PCDH15: variants seen among roughly 807,000 people sequenced by gnomAD.
The protein encoded by PCDH15 is protocadherin related 15.
In PCDH15, 129 loss-of-function variants were observed where a neutral mutation model predicts 178.5. That is an observed-to-expected ratio of 0.72 (90% CI 0.63 to 0.84). The LOEUF is 0.84. Among genes scored for constraint, PCDH15 ranks in the 40% least tolerant of loss-of-function variants. The probability of loss-of-function intolerance (pLI) is 0.00; values close to 1 mark genes in which losing one functional copy is unlikely to be tolerated. For missense variants in PCDH15, 2,230 were observed against 2,099.9 expected, an observed-to-expected ratio of 1.06 and a Z score of -1.21; for synonymous variants, 800 against 732.0, an observed-to-expected ratio of 1.09 and a Z score of -1.50.
At chr10:55,403,080 G>A (rs1279606939) in intron 2 of PCDH15, among the ~76,000 whole-genome samples, 1 of 151,980 alleles carries the variant, frequency 6.6e-6, no homozygotes, top group Non-Finnish European at 1.5e-5. Flanking sequence ...TAGTGATGTT[G>A]ACTGTTAACG....
chr10:54,247,690 C>T (rs1381335984), intron 8 of PCDH15, among the ~76,000 whole-genome samples: 6 of 151,644 alleles, frequency 4.0e-5, no homozygotes, highest in East Asian at 3.9e-4. Flanking sequence ...ATAGAATGAA[C>T]GGTGAACTCC....
At chr10:55,393,077 T>C (rs1310689633) in intron 2 of PCDH15, among the ~76,000 whole-genome samples, 1 of 151,850 alleles carries the variant, frequency 6.6e-6, no homozygotes, top group Admixed American at 6.6e-5. Flanking sequence ...GCTTATGAGT[T>C]CAGAGATCAT....
intron 2 of PCDH15, among the ~76,000 whole-genome samples, chr10:55,327,475 T>C (rs577520083): frequency 3.9e-5 from 6 of 152,194 alleles, no homozygotes; most frequent in African/African-American, 1.4e-4. Flanking sequence ...AGAAGAATCA[T>C]ACTAAAGGCA....
intron 11 of PCDH15, chr10:54,189,222 AT>A: frequency 1.9e-6 from 1 of 520,808 alleles, no homozygotes. Flanking sequence ...GTATATTTAA[AT>A]TTATATAAAG....
intron 2 of PCDH15, among the ~76,000 whole-genome samples, chr10:55,543,626 T>C (rs1442418436): frequency 6.6e-6 from 1 of 150,926 alleles, no homozygotes; most frequent in Admixed American, 6.6e-5. Flanking sequence ...AGAATCTAAA[T>C]CCACGTATAT....
chr10:55,286,311 A>G (rs773492417), intron 1 of PCDH15, among the ~76,000 whole-genome samples: 1 of 151,890 alleles, frequency 6.6e-6, no homozygotes, highest in African/African-American at 2.4e-5. Context: ...AATTCATATA[A>G]ATTTTACTGT....
At chr10:55,611,334 TA>T (rs940570921) in intron 2 of PCDH15, among the ~76,000 whole-genome samples, 1 of 151,896 alleles carries the variant, frequency 6.6e-6, no homozygotes, top group Non-Finnish European at 1.5e-5. Flanking sequence ...ATAACCCTGT[TA>T]AAAAAATGGG....
At chr10:55,398,016 T>A (rs1419386551) in intron 2 of PCDH15, among the ~76,000 whole-genome samples, 1 of 152,152 alleles carries the variant, frequency 6.6e-6, no homozygotes, top group African/African-American at 2.4e-5. Flanking sequence ...ATGCTCCCAT[T>A]TGTAAAACCA....
chr10:54,633,073 A>G (rs2093746280), intron 2 of PCDH15, among the ~76,000 whole-genome samples: 1 of 152,140 alleles, frequency 6.6e-6, no homozygotes, highest in South Asian at 2.1e-4. Context: ...TCTTGACTCA[A>G]ATTTCCATTT....
At chr10:54,333,217 A>G (rs1940244281) in intron 6 of PCDH15, among the ~76,000 whole-genome samples, 1 of 152,116 alleles carries the variant, frequency 6.6e-6, no homozygotes, top group Non-Finnish European at 1.5e-5. Context: ...AAGTTCTGGG[A>G]TTAAAGATGT....
At chr10:54,154,446 T>G (rs764601222) in intron 13 of PCDH15, among the ~76,000 whole-genome samples, 34 of 152,176 alleles carry the variant, frequency 2.2e-4, no homozygotes, top group Admixed American at 1.0e-3. Flanking sequence ...AAATAGTAGT[T>G]TTTATAGTTT....
chr10:55,486,528 T>A (rs1211584064), intron 2 of PCDH15, among the ~76,000 whole-genome samples: 1 of 151,596 alleles, frequency 6.6e-6, no homozygotes, highest in South Asian at 2.1e-4. Context: ...AAAATTATGC[T>A]TTTTTTCTGG....
intron 2 of PCDH15, among the ~76,000 whole-genome samples, chr10:55,569,383 C>T (rs1842363595): frequency 6.6e-6 from 1 of 151,806 alleles, no homozygotes; most frequent in African/African-American, 2.4e-5. Flanking sequence ...TTATAAGTTC[C>T]CTATATTTAG....
intron 2 of PCDH15, among the ~76,000 whole-genome samples, chr10:55,125,373 G>C (rs933398535): frequency 2.6e-5 from 4 of 151,898 alleles, no homozygotes; most frequent in African/African-American, 9.7e-5. Context: ...TCCATCCCAG[G>C]GTGACGTCTC....
chr10:54,661,745 T>G (rs1026040466), intron 2 of PCDH15, among the ~76,000 whole-genome samples: 1 of 151,544 alleles, frequency 6.6e-6, no homozygotes, highest in African/African-American at 2.4e-5. Flanking sequence ...AACTAGAAAA[T>G]AAAATCACAT....
chr10:55,288,658 C>G (rs1200335886), intron 1 of PCDH15, among the ~76,000 whole-genome samples: 1 of 152,000 alleles, frequency 6.6e-6, no homozygotes, highest in African/African-American at 2.4e-5. Context: ...GCTTATTCCA[C>G]TTAGCGAATG....
chr10:53,900,428 G>C (rs2082262491), intron 26 of PCDH15, among the ~76,000 whole-genome samples: 2 of 152,060 alleles, frequency 1.3e-5, no homozygotes, highest in African/African-American at 4.8e-5. Context: ...TCCCAACACT[G>C]TATACTTCAT....
intron 1 of PCDH15, among the ~76,000 whole-genome samples, chr10:54,674,653 T>G (rs529347764): frequency 1.6e-4 from 25 of 152,238 alleles, no homozygotes; most frequent in African/African-American, 5.8e-4. Context: ...TAACTAATTG[T>G]GTAGTCATGT....
intron 21 of PCDH15, among the ~76,000 whole-genome samples, chr10:53,994,071 C>A (rs1397220848): frequency 2.0e-5 from 3 of 152,168 alleles, no homozygotes; most frequent in Non-Finnish European, 4.4e-5. Context: ...AGAGCTTTCT[C>A]TTTACATAAA....
Sources: gnomAD v4.1 joint callset for allele counts (sites outside exome capture counted in the v4.1 genomes callset) on GRCh38, gnomAD v4.1.1 for gene constraint, MANE v1.5 for transcripts, NCBI Gene and HGNC (gene_info 2026-07-23, HGNC 2026-07-21) for gene names.